The following SCAPER variants were observed in gnomAD, a reference collection of about 807,000 sequenced individuals.
SCAPER encodes the protein S-phase cyclin A associated protein in the ER, also known as S phase cyclin A-associated protein in the endoplasmic reticulum.
A neutral mutation model predicts 182.2 loss-of-function variants in SCAPER; 98 were observed. The ratio of observed to expected loss-of-function variants is 0.54; its 90% CI spans 0.46 to 0.64. The LOEUF (loss-of-function observed/expected upper bound fraction) is 0.64, where lower values mean the gene tolerates loss of function less well. Among genes scored for constraint, SCAPER ranks in the 30% least tolerant of loss-of-function variants. SCAPER has a pLI of 0.00. For synonymous variants in SCAPER, 605 were observed against 564.6 expected (o/e 1.07, Z -1.01); for missense variants, 1,432 against 1,690.0 (o/e 0.85, Z 2.68).
At chr15:76,476,166 T>G (rs1398091145) in intron 24 of SCAPER, among the ~76,000 whole-genome samples, 1 of 152,212 alleles carries the variant, frequency 6.6e-6, no homozygotes, top group African/African-American at 2.4e-5. Flanking sequence ...GGGTCCATTT[T>G]CCAGCTTCCT....
At chr15:76,409,077 A>C (rs1219681752) in intron 26 of SCAPER, among the ~76,000 whole-genome samples, 1 of 152,132 alleles carries the variant, frequency 6.6e-6, no homozygotes, top group Non-Finnish European at 1.5e-5. Flanking sequence ...GTTTTTCTAA[A>C]TTGCCTATGT....
intron 6 of SCAPER, among the ~76,000 whole-genome samples, chr15:76,801,496 A>G (rs1172032290): frequency 1.3e-5 from 2 of 152,198 alleles, no homozygotes; most frequent in African/African-American, 4.8e-5. Flanking sequence ...AGCCAAAATA[A>G]ATTTTGATGC....
chr15:76,747,644 C>T (rs1470451761), intron 15 of SCAPER, among the ~76,000 whole-genome samples: 1 of 152,020 alleles, frequency 6.6e-6, no homozygotes, highest in Non-Finnish European at 1.5e-5. Flanking sequence ...GTGAGTTCTG[C>T]TATATTAGTT....
intron 17 of SCAPER, among the ~76,000 whole-genome samples, chr15:76,724,677 C>T (rs553512965): frequency 6.6e-6 from 1 of 152,224 alleles, no homozygotes; most frequent in Non-Finnish European, 1.5e-5. Flanking sequence ...TCATTCATTT[C>T]GTCTTCCATC....
chr15:76,361,119 C>T (rs1031630081), intron 29 of SCAPER, among the ~76,000 whole-genome samples: 1 of 151,812 alleles, frequency 6.6e-6, no homozygotes, highest in Admixed American at 6.6e-5. Context: ...GCAGATTTCA[C>T]ATTTGTAAAA....
chr15:76,876,291 G>A lies in SCAPER; in HGVS notation c.6+7521C>T, dbSNP rs190895906. ...TCAGTGGCGGGCTGAAGGACTCCCC[G>A]AGCATGGCCAGAGTGGACGTCGAGG... On this transcript the variant is annotated intron_variant, in intron 2 of 31. Transcript: ENST00000563290. Among the ~76,000 whole-genome samples, 724 of 152,228 alleles carry A rather than the reference G, an allele frequency of 4.8e-3. 10 individuals are homozygous for A. Among genetic ancestry groups the A allele is most frequent in the East Asian group, 0.033 (170 of 5,174 alleles).
intron 21 of SCAPER, among the ~76,000 whole-genome samples, chr15:76,623,761 T>A (rs2052319802): frequency 6.6e-6 from 1 of 152,218 alleles, no homozygotes; most frequent in South Asian, 2.1e-4. Context: ...CATTTCAGAA[T>A]AGCTTTTCAT....
chr15:76,733,113 A>AT, intron 16 of SCAPER, 116 bp downstream of exon 16: 4 of 933,466 alleles, frequency 4.3e-6, no homozygotes, highest in Non-Finnish European at 4.7e-6. Context: ...TTATGTCTTT[A>AT]TTTCTACAAT....
intron 20 of SCAPER, among the ~76,000 whole-genome samples, chr15:76,682,264 T>TCCCCCCCCCC (rs573661987): frequency 6.9e-5 from 9 of 130,514 alleles, no homozygotes; most frequent in African/African-American, 8.6e-5. Flanking sequence ...TCACCTCCCT[T>TCCCCCCCCCC]CCCCCCCCCA....
At chr15:76,844,224 T>TAATA (rs1294523823) in intron 4 of SCAPER, among the ~76,000 whole-genome samples, 1 of 141,678 alleles carries the variant, frequency 7.1e-6, no homozygotes, top group East Asian at 2.1e-4. Flanking sequence ...TTCCATGAGG[T>TAATA]AATAGTGTTT....
intron 10 of SCAPER, among the ~76,000 whole-genome samples, chr15:76,771,153 C>T (rs1014690475): frequency 6.6e-6 from 1 of 151,994 alleles, no homozygotes; most frequent in Admixed American, 6.6e-5. Context: ...ACAAAGTTAG[C>T]ATGATTTATT....
At chr15:76,845,223 A>G (rs749825182) in intron 4 of SCAPER, among the ~76,000 whole-genome samples, 3 of 152,160 alleles carry the variant, frequency 2.0e-5, no homozygotes, top group African/African-American at 4.8e-5. Context: ...ACATACCCCA[A>G]CATAATAAAA....
At chr15:76,604,994 T>C (rs1047202325) in intron 22 of SCAPER, among the ~76,000 whole-genome samples, 10 of 152,194 alleles carry the variant, frequency 6.6e-5, no homozygotes, top group African/African-American at 2.4e-4. Context: ...TGACTTCCTC[T>C]TTTCCTAATT....
chr15:76,763,540 G>A (rs1432309707), intron 14 of SCAPER, among the ~76,000 whole-genome samples: 1 of 56,346 alleles, frequency 1.8e-5, no homozygotes, highest in Non-Finnish European at 3.9e-5. Context: ...GAAGTTTTGG[G>A]TTATTTCTTT....
chr15:76,652,138 G>A (rs1439117560), intron 21 of SCAPER, among the ~76,000 whole-genome samples: 1 of 148,326 alleles, frequency 6.7e-6, no homozygotes, highest in African/African-American at 2.5e-5. Context: ...ATAAGGCCAG[G>A]CATGAGGGCT....
chr15:76,835,249 C>T (rs1416392132), intron 5 of SCAPER, among the ~76,000 whole-genome samples: 1 of 151,860 alleles, frequency 6.6e-6, no homozygotes, highest in African/African-American at 2.4e-5. Flanking sequence ...AGGCCAATAT[C>T]CCTGATGAAC....
intron 20 of SCAPER, among the ~76,000 whole-genome samples, chr15:76,698,764 A>G (rs2404604): frequency 0.27 from 41,669 of 152,134 alleles, 6,476 homozygotes; most frequent in East Asian, 0.55. Context: ...TTGGTTCCAT[A>G]TGAATTTTAG....
chr15:76,364,865 T>C (rs2041702974), intron 29 of SCAPER, among the ~76,000 whole-genome samples: 1 of 152,088 alleles, frequency 6.6e-6, no homozygotes, highest in Non-Finnish European at 1.5e-5. Flanking sequence ...CCTCCTGACC[T>C]GGACCCTGCC....
chr15:76,873,860 T>A, intron 2 of SCAPER, among the ~76,000 whole-genome samples: 1 of 151,964 alleles, frequency 6.6e-6, no homozygotes, highest in East Asian at 1.9e-4. Flanking sequence ...ATAATCCCCA[T>A]GTGTTTGGAA....
Sources: allele counts gnomAD v4.1 joint callset (sites outside exome capture counted in the v4.1 genomes callset), GRCh38; gene constraint gnomAD v4.1.1; transcripts MANE v1.5; gene names NCBI Gene and HGNC (gene_info 2026-07-23, HGNC 2026-07-21).